UGGT1: variants seen among roughly 807,000 people sequenced by gnomAD.
UGGT1 encodes UDP-glucose:glycoprotein glucosyltransferase 1.
A neutral mutation model predicts 203.9 loss-of-function variants in UGGT1; 107 were observed. The observed-to-expected ratio is 0.52, with a 90% confidence interval of 0.45 to 0.62. The LOEUF is 0.62. Among genes scored for constraint, UGGT1 ranks in the 20% least tolerant of loss-of-function variants. The pLI, the probability that UGGT1 is intolerant of heterozygous loss-of-function variation, is 0.00. For synonymous variants in UGGT1, 628 were observed against 653.5 expected, an observed-to-expected ratio of 0.96 and a Z score of 0.59; for missense variants, 1,673 against 1,867.2, an observed-to-expected ratio of 0.90 and a Z score of 1.92.
chr2:128,186,944 G>T, intron 39 of UGGT1, 145 bp downstream of exon 39: 1 of 601,562 alleles, frequency 1.7e-6, no homozygotes, highest in Non-Finnish European at 2.9e-6. Context: ...AGTTTGTCGG[G>T]GCTATTCTTA....
At chr2:128,099,271 G>A (rs1254976730) in intron 2 of UGGT1, among the ~76,000 whole-genome samples, 1 of 152,048 alleles carries the variant, frequency 6.6e-6, no homozygotes, top group Non-Finnish European at 1.5e-5. Flanking sequence ...GGCCTCCCTA[G>A]TAGCTGGGAC....
intron 26 of UGGT1, among the ~76,000 whole-genome samples, chr2:128,167,306 T>C (rs1690845841): frequency 6.6e-6 from 1 of 152,228 alleles, no homozygotes; most frequent in Non-Finnish European, 1.5e-5. Flanking sequence ...ATAAATTCTA[T>C]TATGAGACAA....
intron 25 of UGGT1, 83 bp downstream of exon 25, chr2:128,161,351 C>A: frequency 6.8e-7 from 1 of 1,469,608 alleles, no homozygotes. Flanking sequence ...TGTTGTTACT[C>A]ATACTACATA....
At chr2:128,189,575 C>G in intron 40 of UGGT1, 142 bp from the exon 41 acceptor site, 1 of 888,580 alleles carries the variant, frequency 1.1e-6, no homozygotes, top group Non-Finnish European at 1.7e-6. Flanking sequence ...TACAAAAGCA[C>G]AAATCCCAAA....
rs1248536318 is a variant in UGGT1, at chr2:128,121,967, A to G, written c.1073+669A>G. ...ACTAATCTAGAGTCTGTCCCAGACC[A>G]TAGTGGTTTTCTTCATGAAAGGTTT... On this transcript the variant is annotated intron_variant, in intron 10 of 40. Transcript: ENST00000259253. Among the ~76,000 whole-genome samples, 2 of 152,200 alleles carry G rather than the reference A, an allele frequency of 1.3e-5. 1 individual carries two copies. The highest frequency in any genetic ancestry group is 4.1e-4 in the South Asian group (2 of 4,828).
chr2:128,128,922 A>C lies in UGGT1; in HGVS notation c.1227-107A>C, dbSNP rs976357650. ...TATTGCTTTTTTAAATTTCTCAATT[A>C]ATTTGATTTGGCATTGAGGTTGAAC... On this transcript the variant is annotated intron_variant, in intron 12 of 40. Transcript: ENST00000259253. 29 of 1,098,820 alleles carry C rather than the reference A, an allele frequency of 2.6e-5. No individual in the cohort carries two copies. The African/African-American group carries it at 4.2e-4, about 16-fold the overall frequency. 68.1% of individuals were successfully genotyped at this position (1,098,820 alleles called of 1,614,324 possible). A position where few individuals can be genotyped will look rare whatever the true frequency, so the allele number is the denominator to read the frequency against.
intron 40 of UGGT1, among the ~76,000 whole-genome samples, chr2:128,189,225 C>T (rs764799252): frequency 6.6e-6 from 1 of 152,072 alleles, no homozygotes; most frequent in Admixed American, 6.6e-5. Context: ...GCCCGTAAGG[C>T]GTTTATATAC....
At chr2:128,113,022 G>A in intron 5 of UGGT1, 62 bp from the exon 6 acceptor site, 2 of 1,362,314 alleles carry the variant, frequency 1.5e-6, no homozygotes, top group Non-Finnish European at 2.0e-6. Flanking sequence ...TTTATATTTT[G>A]TGACATTTTT....
Position 128,178,552 on chromosome 2 carries a change from C to G in UGGT1, c.3798C>G (p.Leu1266=). ...TTTTCTCCGTTGCATCTGGTCATCT[C>G]TACGAAAGATTTCTTCGGTCAGTCT... The part of the protein sequence containing the change: ...INIFSVASGH[L]YERFLRIMML... Residue 1266 remains leucine (L), a synonymous_variant, in exon 34 of 41, where the codon CTC becomes CTG. Coordinates refer to ENST00000259253, the MANE Select transcript of UGGT1 (RefSeq NM_020120.4). 6.2e-7 allele frequency: 1 copy of G among 1,612,604 alleles called. No homozygotes were observed. Among genetic ancestry groups the G allele is most frequent in the Non-Finnish European group, 8.5e-7 (1 of 1,179,730 alleles).
Position 128,145,829 on chromosome 2 carries a change from T to C in UGGT1, c.1878T>C (p.Thr626=), listed in dbSNP as rs755482589. ...RKEARGYYEQ[T]GVGPLPVVLF... ...AAGCAAGAGGCTACTATGAGCAGAC[T>C]GGAGTTGGACCTCTGCCCGTTGTGC... Residue 626 remains threonine (T), a synonymous_variant, in exon 18 of 41, where the codon ACT becomes ACC. Coordinates refer to ENST00000259253, the MANE Select transcript of UGGT1 (RefSeq NM_020120.4). The C allele has an allele frequency of 6.2e-7, 1 of 1,607,546 alleles. No individual in the cohort carries two copies. Among genetic ancestry groups the C allele is most frequent in the South Asian group, 1.1e-5 (1 of 90,444 alleles).
rs1689644060 is a variant in UGGT1, at chr2:128,145,524, ATACAC to A, written c.1852-278_1852-274del. The A allele has an allele frequency of 8.3e-5, 5 of 60,326 alleles. No individual in the cohort carries two copies. The Admixed American group carries it at 1.0e-3, about 12-fold the overall frequency. 3.7% of individuals were successfully genotyped at this position (60,326 alleles called of 1,614,324 possible). On this transcript the variant is annotated intron_variant, in intron 17 of 40. Transcript: ENST00000259253. ...CAAACACACACACACACACACACAC[ATACAC>A]AAACACACGTACACACACACGCACT...
Position 128,192,364 on chromosome 2 carries a change from A to G in UGGT1, c.*2622A>G, listed in dbSNP as rs1692309127. Reference sequence around the variant, plus strand: ...TTACCACTAAAATATTTTCTCCAAGAAGGCATACTGTAACAGAAAAGATAG... The same window carrying G: ...TTACCACTAAAATATTTTCTCCAAGGAGGCATACTGTAACAGAAAAGATAG... On this transcript the variant is annotated 3_prime_UTR_variant, in exon 41 of 41. Coordinates refer to ENST00000259253, the MANE Select transcript of UGGT1 (RefSeq NM_020120.4). The G allele has an allele frequency of 6.6e-6, 1 of 152,030 alleles. No individual in the cohort carries two copies. Among genetic ancestry groups the G allele is most frequent in the Non-Finnish European group, 1.5e-5 (1 of 68,024 alleles). The allele number at this position is 152,030 out of a possible 1,614,324, so 9.4% of individuals were successfully genotyped here.
chr2:128,188,734 T>C (rs1692115457), intron 40 of UGGT1, among the ~76,000 whole-genome samples: 1 of 152,278 alleles, frequency 6.6e-6, no homozygotes, highest in South Asian at 2.1e-4. Context: ...TGCTTGAGCC[T>C]GGAGGTCAAG....
chr2:128,173,087 T>A (rs1372940802), intron 29 of UGGT1, among the ~76,000 whole-genome samples: 1 of 152,218 alleles, frequency 6.6e-6, no homozygotes, highest in Non-Finnish European at 1.5e-5. Flanking sequence ...ACTTTGTATC[T>A]CTATGGATTT....
chr2:128,099,628 G>A (rs1034414543), intron 2 of UGGT1, among the ~76,000 whole-genome samples: 1 of 152,194 alleles, frequency 6.6e-6, no homozygotes. Context: ...CAGGAGCCTA[G>A]CAGACTTTCT....
At position 128,177,818 on chromosome 2, in the gene UGGT1, A is replaced by G; in HGVS notation, c.3625-14A>G. ...AGACATACTGGGAGTAAGGTTTATC[A>G]CATTTGATTGCAGGTTCAGAAGAAG... is the stretch of plus-strand genomic sequence containing the variant. On this transcript the variant is annotated splice_polypyrimidine_tract_variant and intron_variant, in intron 32 of 40. Transcript: ENST00000259253. 2 of 1,593,286 alleles carry G rather than the reference A, an allele frequency of 1.3e-6. No individual in the cohort carries two copies. Among genetic ancestry groups the G allele is most frequent in the Non-Finnish European group, 1.7e-6 (2 of 1,170,084 alleles).
Position 128,091,424 on chromosome 2 carries a change from G to C in UGGT1, c.58+9G>C. 1 of 1,579,070 alleles carries C rather than the reference G, an allele frequency of 6.3e-7. No individual in the cohort carries two copies. The highest frequency in any genetic ancestry group is 8.6e-7 in the Non-Finnish European group (1 of 1,162,400). ...TGCGCTGCCGGTGACAGGTACCCAGGGGTGGCGTGAGGAGGCCTCGTGGAC... is the reference window on the plus strand; with the variant it reads ...TGCGCTGCCGGTGACAGGTACCCAGCGGTGGCGTGAGGAGGCCTCGTGGAC... On this transcript the variant is annotated intron_variant, in intron 1 of 40. Transcript: ENST00000259253.
intron 26 of UGGT1, among the ~76,000 whole-genome samples, chr2:128,166,694 T>C (rs950766367): frequency 6.6e-6 from 1 of 152,194 alleles, no homozygotes; most frequent in African/African-American, 2.4e-5. Context: ...ACAGTCTGAG[T>C]TGCTTCCTCA....
chr2:128,135,081 C>T, intron 15 of UGGT1, 120 bp downstream of exon 15: 1 of 802,346 alleles, frequency 1.2e-6, no homozygotes, highest in Non-Finnish European at 2.0e-6. Context: ...TCACTAATGG[C>T]AATTTTATCT....
Sources: gnomAD v4.1 joint callset for allele counts (sites outside exome capture counted in the v4.1 genomes callset) on GRCh38, gnomAD v4.1.1 for gene constraint, MANE v1.5 for transcripts, NCBI Gene and HGNC (gene_info 2026-07-23, HGNC 2026-07-21) for gene names.